PRR16: variants seen among roughly 807,000 people sequenced by gnomAD.
PRR16 encodes the protein protein Largen.
In PRR16, 6 loss-of-function variants were observed where a neutral mutation model predicts 18.2. The observed-to-expected ratio is 0.33, with a 90% confidence interval of 0.18 to 0.65. PRR16 has a LOEUF of 0.65. Ranked by LOEUF, PRR16 falls within the 30% of genes least tolerant of loss-of-function variation. The pLI is 0.74. For missense variants in PRR16, 412 were observed against 376.6 expected (o/e 1.09, Z -0.78); for synonymous variants, 151 against 147.8 (o/e 1.02, Z -0.16).
At chr5:120,707,629 A>C in the PRR16 span, among the ~76,000 whole-genome samples, 1 of 152,192 alleles carries the variant, frequency 6.6e-6, no homozygotes, top group Non-Finnish European at 1.5e-5. Context: ...ACAGCACATG[A>C]GTCTCTAGGA....
chr5:120,633,206 G>A (rs1755116129), intron 1 of PRR16, among the ~76,000 whole-genome samples: 1 of 152,046 alleles, frequency 6.6e-6, no homozygotes, highest in Non-Finnish European at 1.5e-5. Context: ...TACCAAGCCA[G>A]CACTACAAAA....
chr5:120,701,270 A>G, the PRR16 span, among the ~76,000 whole-genome samples: 1 of 152,114 alleles, frequency 6.6e-6, no homozygotes, highest in South Asian at 2.1e-4. Context: ...GTTTTATTTA[A>G]TGTCGGGAGC....
intron 1 of PRR16, among the ~76,000 whole-genome samples, chr5:120,646,487 C>T (rs542049731): frequency 2.0e-5 from 3 of 152,050 alleles, no homozygotes; most frequent in African/African-American, 7.2e-5. Flanking sequence ...AGACACTTGC[C>T]TGAATCTCCA....
the PRR16 span, among the ~76,000 whole-genome samples, chr5:120,697,614 T>G: frequency 6.6e-6 from 1 of 152,146 alleles, no homozygotes; most frequent in African/African-American, 2.4e-5. Flanking sequence ...TTATTTCACC[T>G]GGGTGCAGGC....
the PRR16 span, among the ~76,000 whole-genome samples, chr5:120,724,501 G>A: frequency 2.6e-5 from 4 of 151,982 alleles, no homozygotes; most frequent in African/African-American, 4.8e-5. Flanking sequence ...TTGTGAATTC[G>A]CAATAAATAT....
rs180827525 is a variant in PRR16 at position 120,508,071 on chromosome 5, C to G, written c.159+43426C>G. On this transcript the variant is annotated intron_variant, in intron 1 of 1. Transcript: ENST00000407149. ...TGTGGTGCAGTCAGACTGGTGGTGC[C>G]TAAGTATGTCATTGGCGGGTTTTCT... Among the ~76,000 whole-genome samples, 939 of 152,176 alleles carry G rather than the reference C, an allele frequency of 6.2e-3. 50 individuals are homozygous for G. The highest frequency in any genetic ancestry group is 0.056 in the Admixed American group (851 of 15,258).
At chr5:120,474,440 C>A (rs2112802268) in intron 1 of PRR16, among the ~76,000 whole-genome samples, 1 of 152,184 alleles carries the variant, frequency 6.6e-6, no homozygotes, top group Non-Finnish European at 1.5e-5. Context: ...ACTAGGAACC[C>A]AAAGGACTAC....
In PRR16 at chr5:120,622,103, TC is replaced by T. The variant is rs1460243198; in HGVS notation, c.160-63849del. The stretch of plus-strand genomic sequence containing the variant: ...TCTGACAATACTACCTGTAGTTTTT[TC>T]CATGGCACTTATCACTTTATGAATT... On this transcript the variant is annotated intron_variant, in intron 1 of 1. Coordinates refer to ENST00000407149, the MANE Select transcript of PRR16 (RefSeq NM_001300783.2). 2.6e-5 allele frequency among the ~76,000 whole-genome samples: 4 copies of T among 152,170 alleles called. No homozygotes were observed. In the East Asian group the frequency reaches 7.7e-4, roughly 29 times the overall value.
the PRR16 span, among the ~76,000 whole-genome samples, chr5:120,753,704 G>C: frequency 6.7e-6 from 1 of 149,460 alleles, no homozygotes. Flanking sequence ...ACATTGCCTT[G>C]TTCAATTCTT....
the PRR16 span, among the ~76,000 whole-genome samples, chr5:120,758,687 G>A: frequency 4.6e-5 from 7 of 152,114 alleles, no homozygotes; most frequent in Middle Eastern, 3.4e-3. Flanking sequence ...GACGTGCCTT[G>A]CTTCCCCTTG....
chr5:120,765,830 T>TTATAACTAAACA, the PRR16 span, among the ~76,000 whole-genome samples: 2 of 152,046 alleles, frequency 1.3e-5, no homozygotes, highest in Non-Finnish European at 2.9e-5. Context: ...CTGTTTAGTT[T>TTATAACTAAACA]TGTCTGTTTT....
the PRR16 span, among the ~76,000 whole-genome samples, chr5:120,773,603 C>T: frequency 1.3e-5 from 2 of 152,040 alleles, no homozygotes; most frequent in East Asian, 1.9e-4. Context: ...TCTACATGGT[C>T]AACTACTTAA....
At chr5:120,633,380 A>G (rs113424710) in intron 1 of PRR16, among the ~76,000 whole-genome samples, 16,330 of 152,222 alleles carry the variant, frequency 0.11, 1,149 homozygotes, top group Non-Finnish European at 0.14. Flanking sequence ...TCAATACTAA[A>G]GTTGAATGTA....
intron 1 of PRR16, among the ~76,000 whole-genome samples, chr5:120,605,414 T>C (rs1317695635): frequency 1.3e-5 from 2 of 152,204 alleles, no homozygotes; most frequent in Admixed American, 6.5e-5. Context: ...ATGTTGTCTT[T>C]CAATGCTTGA....
At chr5:120,709,957 A>G in the PRR16 span, among the ~76,000 whole-genome samples, 1 of 152,166 alleles carries the variant, frequency 6.6e-6, no homozygotes, top group African/African-American at 2.4e-5. Flanking sequence ...TATGTCTTCA[A>G]TATATTGATT....
intron 1 of PRR16, among the ~76,000 whole-genome samples, chr5:120,674,973 G>A (rs1429409629): frequency 1.3e-5 from 2 of 151,636 alleles, no homozygotes; most frequent in East Asian, 1.9e-4. Context: ...TATAACTGCA[G>A]TACATTTTCA....
At chr5:120,647,584 A>G (rs1348087932) in intron 1 of PRR16, among the ~76,000 whole-genome samples, 1 of 152,100 alleles carries the variant, frequency 6.6e-6, no homozygotes, top group Non-Finnish European at 1.5e-5. Context: ...TATTTCAAGT[A>G]TGTTATAATA....
At chr5:120,778,773 G>A in the PRR16 span, among the ~76,000 whole-genome samples, 1 of 152,148 alleles carries the variant, frequency 6.6e-6, no homozygotes, top group Non-Finnish European at 1.5e-5. Context: ...ATTCATGGAA[G>A]GCATTTTGTC....
At chr5:120,604,441 C>T (rs1754086452) in intron 1 of PRR16, among the ~76,000 whole-genome samples, 1 of 152,024 alleles carries the variant, frequency 6.6e-6, no homozygotes, top group African/African-American at 2.4e-5. Context: ...CCTGTAGGGT[C>T]ACTGCAGATG....
Sources: gnomAD v4.1 joint callset for allele counts (sites outside exome capture counted in the v4.1 genomes callset) on GRCh38, gnomAD v4.1.1 for gene constraint, MANE v1.5 for transcripts, NCBI Gene and HGNC (gene_info 2026-07-23, HGNC 2026-07-21) for gene names.